Variants in HPSE2 observed in about 807,000 individuals in gnomAD.
The protein encoded by HPSE2 is inactive heparanase-2.
Under a neutral mutation model 60.5 loss-of-function variants are expected in HPSE2, and 38 were observed. That is an observed-to-expected ratio of 0.63 (90% CI 0.48 to 0.82). The LOEUF is 0.82. Among genes scored for constraint, HPSE2 ranks in the 40% least tolerant of loss-of-function variants. The pLI is 0.00. For synonymous variants in HPSE2, 295 were observed against 293.2 expected, an observed-to-expected ratio of 1.01 and a Z score of -0.06; for missense variants, 713 against 740.4, an observed-to-expected ratio of 0.96 and a Z score of 0.43.
At chr10:99,011,616 C>A (rs1957017480) in intron 3 of HPSE2, among the ~76,000 whole-genome samples, 1 of 151,840 alleles carries the variant, frequency 6.6e-6, no homozygotes. Flanking sequence ...ATTAGCCAGG[C>A]ATGGTGGCAT....
At chr10:98,832,506 A>G (rs372418111) in intron 3 of HPSE2, among the ~76,000 whole-genome samples, 14 of 152,350 alleles carry the variant, frequency 9.2e-5, no homozygotes, top group African/African-American at 2.9e-4. Context: ...TCTGGGTTCA[A>G]TCTTGAAATG....
At chr10:98,546,198 G>C (rs12783728) in intron 9 of HPSE2, among the ~76,000 whole-genome samples, 113,755 of 137,506 alleles carry the variant, frequency 0.83, 50,381 homozygotes, top group East Asian at 1. Context: ...TGGGTAGGAA[G>C]AATCAATAAC....
rs200428269 is a variant in HPSE2 at position 99,232,376 on chromosome 10, C to G, written c.420G>C (p.Pro140=). 19 of 1,551,476 alleles carry G rather than the reference C, an allele frequency of 1.2e-5. No homozygotes were observed. The highest frequency in any genetic ancestry group is 2.4e-5 in the East Asian group (1 of 40,906). The change falls in exon 2 of 12, where the codon CCG becomes CCC. Residue 140 remains proline (P), a synonymous_variant. Transcript: ENST00000370552. ...NPAKSRGGPG[P]DYYLKNYEDD... ...CCTCATAGTTTTTGAGATAGTAATC[C>G]GGGCCCGGGCCCCCGCGGCTTTTCG...
At chr10:99,169,824 A>G (rs1179190245) in intron 2 of HPSE2, among the ~76,000 whole-genome samples, 1 of 152,194 alleles carries the variant, frequency 6.6e-6, no homozygotes, top group Non-Finnish European at 1.5e-5. Context: ...TTTTCTATAA[A>G]GAGCCAAACA....
intron 3 of HPSE2, among the ~76,000 whole-genome samples, chr10:99,108,052 C>T (rs1268970953): frequency 6.6e-6 from 1 of 152,152 alleles, no homozygotes; most frequent in Non-Finnish European, 1.5e-5. Flanking sequence ...GACTATTCCT[C>T]TCTAGATGAA....
intron 3 of HPSE2, among the ~76,000 whole-genome samples, chr10:98,957,162 C>G (rs1955530616): frequency 6.6e-6 from 1 of 152,142 alleles, no homozygotes. Flanking sequence ...CCAGTGGTCG[C>G]AAGTTTGGCA....
chr10:98,553,676 G>A lies in HPSE2; in HGVS notation c.1320+61228C>T, dbSNP rs116249833. On this transcript the variant is annotated intron_variant, in intron 9 of 11. Coordinates refer to ENST00000370552, the MANE Select transcript of HPSE2 (RefSeq NM_021828.5). ...GCGCTAATATCACCTCTCACCTTCTGGATCCTAGATCACATTAGCCTCTCT... is the reference window on the plus strand; with the variant it reads ...GCGCTAATATCACCTCTCACCTTCTAGATCCTAGATCACATTAGCCTCTCT... Among the ~76,000 whole-genome samples, 303 of 152,246 alleles carry A rather than the reference G, an allele frequency of 2.0e-3. 1 individual carries two copies. Among genetic ancestry groups the A allele is most frequent in the African/African-American group, 7.1e-3 (293 of 41,546 alleles).
In HPSE2 at chr10:98,749,947, T is replaced by TATATATATATATATATACACACACAC; in HGVS notation, c.611-5892_611-5891insGTGTGTGTGTATATATATATATATAT. 9.1e-3 allele frequency among the ~76,000 whole-genome samples: 900 copies of TATATATATATATATATACACACACAC among 98,412 alleles called. 7 individuals carry two copies. Among genetic ancestry groups the TATATATATATATATATACACACACAC allele is most frequent in the Middle Eastern group, 0.032 (5 of 156 alleles). The allele number at this position is 98,412 out of a possible 152,430, so 64.6% of individuals were successfully genotyped here. A position where few individuals can be genotyped will look rare whatever the true frequency, so the allele number is the denominator to read the frequency against. ...ATTAAACACTATATATATATATATA[T>TATATATATATATATATACACACACAC]ACACACACACTTACACACACATTTA... On this transcript the variant is annotated intron_variant, in intron 3 of 11. Transcript: ENST00000370552.
At chr10:98,576,967 T>C (rs1439576258) in intron 9 of HPSE2, among the ~76,000 whole-genome samples, 1 of 152,142 alleles carries the variant, frequency 6.6e-6, no homozygotes, top group Non-Finnish European at 1.5e-5. Flanking sequence ...TATTTCTGAA[T>C]TTCTGGTACG....
intron 3 of HPSE2, among the ~76,000 whole-genome samples, chr10:99,096,724 G>C (rs906394266): frequency 6.6e-6 from 1 of 151,806 alleles, no homozygotes; most frequent in East Asian, 1.9e-4. Flanking sequence ...TTCCCACAGC[G>C]GGGGAAAAGC....
At chr10:99,269,575 T>C in the HPSE2 span, among the ~76,000 whole-genome samples, 2 of 152,084 alleles carry the variant, frequency 1.3e-5, no homozygotes, top group Admixed American at 6.6e-5. Flanking sequence ...AAAGAAACAA[T>C]GGATTTAAAC....
chr10:98,855,682 G>T (rs1234392880), intron 3 of HPSE2, among the ~76,000 whole-genome samples: 1 of 152,070 alleles, frequency 6.6e-6, no homozygotes, highest in East Asian at 1.9e-4. Flanking sequence ...TGACGAGAAA[G>T]CCCCACCTCT....
intron 3 of HPSE2, among the ~76,000 whole-genome samples, chr10:98,813,434 T>C (rs913294092): frequency 6.6e-6 from 1 of 152,168 alleles, no homozygotes; most frequent in Admixed American, 6.5e-5. Flanking sequence ...CTTCAATTCA[T>C]AGTCTCCAAA....
chr10:98,585,351 G>C (rs1944910223), intron 9 of HPSE2, among the ~76,000 whole-genome samples: 2 of 149,270 alleles, frequency 1.3e-5, no homozygotes, highest in African/African-American at 4.9e-5. Flanking sequence ...GGCTCACTGC[G>C]ACCTCCACCT....
At chr10:99,115,282 T>C (rs1159897200) in intron 3 of HPSE2, among the ~76,000 whole-genome samples, 2 of 151,850 alleles carry the variant, frequency 1.3e-5, no homozygotes, top group Non-Finnish European at 2.9e-5. Context: ...GCCTCCCAAG[T>C]AGCTGGGACT....
chr10:99,048,452 A>C (rs1292090273), intron 3 of HPSE2: 1 of 215,626 alleles, frequency 4.6e-6, no homozygotes, highest in East Asian at 1.4e-4. Flanking sequence ...GAAGACATAC[A>C]AGTGGCCAAG....
intron 9 of HPSE2, among the ~76,000 whole-genome samples, chr10:98,595,083 T>C (rs999505858): frequency 7.2e-5 from 11 of 152,176 alleles, no homozygotes; most frequent in African/African-American, 2.4e-4. Context: ...TTCATCAATG[T>C]TTTATAGTTT....
intron 9 of HPSE2, among the ~76,000 whole-genome samples, chr10:98,543,525 C>T (rs1196079988): frequency 3.3e-5 from 5 of 152,160 alleles, no homozygotes; most frequent in African/African-American, 4.8e-5. Flanking sequence ...TTAAAAGACA[C>T]AGACTGGCAA....
upstream of HPSE2, among the ~76,000 whole-genome samples, chr10:99,239,514 C>T (rs945054047): frequency 4.7e-5 from 7 of 148,130 alleles, no homozygotes; most frequent in African/African-American, 1.7e-4. Flanking sequence ...ACTGCAACCT[C>T]CACCTCCGGG....
Sources: allele counts gnomAD v4.1 joint callset (sites outside exome capture counted in the v4.1 genomes callset), GRCh38; gene constraint gnomAD v4.1.1; transcripts MANE v1.5; gene names NCBI Gene and HGNC (gene_info 2026-07-23, HGNC 2026-07-21).